Variants in TMOD3 observed in about 807,000 individuals in gnomAD.
TMOD3 encodes the protein tropomodulin 3, also known as tropomodulin-3.
TMOD3 carries 20 observed loss-of-function variants against 39.2 expected under a neutral mutation model. The observed-to-expected ratio is 0.51, with a 90% CI of 0.36 to 0.74. TMOD3 has a LOEUF of 0.74. Ranked by LOEUF, TMOD3 falls within the 30% of genes least tolerant of loss-of-function variation. TMOD3 has a pLI of 0.00. For missense variants in TMOD3, 381 were observed against 412.8 expected (o/e 0.92, Z 0.67); for synonymous variants, 143 against 145.8 (o/e 0.98, Z 0.14).
At chr15:51,885,498 G>A (rs1217132380) in intron 3 of TMOD3, among the ~76,000 whole-genome samples, 2 of 152,060 alleles carry the variant, frequency 1.3e-5, no homozygotes, top group Admixed American at 6.5e-5. Context: ...GACTCTCAAC[G>A]AGCATGCTGC....
chr15:51,867,720 G>C (rs950187675), intron 2 of TMOD3, among the ~76,000 whole-genome samples: 7 of 152,176 alleles, frequency 4.6e-5, no homozygotes, highest in African/African-American at 1.7e-4. Context: ...GCCCTTTTGT[G>C]TGATTTCTCT....
intron 1 of TMOD3, among the ~76,000 whole-genome samples, chr15:51,840,915 T>C (rs1035386171): frequency 2.6e-5 from 4 of 152,244 alleles, no homozygotes; most frequent in Admixed American, 1.3e-4. Context: ...CTTAATTTAC[T>C]TCTGTTAATG....
chr15:51,901,887 TC>T lies in TMOD3; in HGVS notation c.880-3del, dbSNP rs775310826. 6.2e-7 allele frequency: 1 copy of T among 1,612,638 alleles called. No homozygotes were observed. The highest frequency in any genetic ancestry group is 1.7e-5 in the Admixed American group (1 of 59,400). On this transcript the variant is annotated splice_region_variant and splice_polypyrimidine_tract_variant and intron_variant, in intron 8 of 9. Transcript: ENST00000308580. ...AATATTGTTCTTTTTTTCTAATTACTCCAGAGGCAGCAGTTGGGGACAGCTG... is the reference window on the plus strand; with the variant it reads ...AATATTGTTCTTTTTTTCTAATTACTCAGAGGCAGCAGTTGGGGACAGCTG...
intron 1 of TMOD3, among the ~76,000 whole-genome samples, chr15:51,850,637 T>C (rs2056356781): frequency 6.6e-6 from 1 of 152,214 alleles, no homozygotes; most frequent in Non-Finnish European, 1.5e-5. Context: ...ACATTAGTGG[T>C]GATACATTTT....
chr15:51,831,602 T>C (rs2056255206), intron 1 of TMOD3, among the ~76,000 whole-genome samples: 1 of 151,974 alleles, frequency 6.6e-6, no homozygotes, highest in Middle Eastern at 3.2e-3. Context: ...TAACTGATAT[T>C]AGATACATAA....
At chr15:51,855,282 C>T (rs919577900) in intron 1 of TMOD3, among the ~76,000 whole-genome samples, 1 of 152,236 alleles carries the variant, frequency 6.6e-6, no homozygotes, top group Non-Finnish European at 1.5e-5. Context: ...CACCACCTGG[C>T]AGCTTATTAG....
intron 3 of TMOD3, among the ~76,000 whole-genome samples, chr15:51,886,343 C>T (rs550865214): frequency 3.9e-5 from 6 of 152,286 alleles, no homozygotes; most frequent in Admixed American, 1.3e-4. Context: ...TGTAGCGAGC[C>T]GAGATCACGC....
At chr15:51,840,183 T>A (rs937312556) in intron 1 of TMOD3, among the ~76,000 whole-genome samples, 2 of 152,192 alleles carry the variant, frequency 1.3e-5, no homozygotes, top group Non-Finnish European at 2.9e-5. Flanking sequence ...GTGGGCAAAG[T>A]GGTGGGCTAG....
intron 3 of TMOD3, among the ~76,000 whole-genome samples, chr15:51,878,148 A>C (rs2056514330): frequency 1.3e-5 from 2 of 152,234 alleles, no homozygotes; most frequent in South Asian, 4.1e-4. Flanking sequence ...TTCTCCAGAC[A>C]ATAAGCTAGG....
intron 5 of TMOD3, chr15:51,892,514 G>C (rs1358696916): frequency 6.6e-6 from 1 of 152,104 alleles, no homozygotes; most frequent in Non-Finnish European, 1.5e-5. Context: ...GTGAGGGAGG[G>C]CAGTAAATTT....
intron 3 of TMOD3, among the ~76,000 whole-genome samples, chr15:51,886,631 G>A (rs149789035): frequency 5.9e-5 from 9 of 152,130 alleles, no homozygotes; most frequent in South Asian, 2.1e-4. Context: ...GTCCAGCCTC[G>A]GCTGGGCATC....
At chr15:51,858,961 C>T (rs2056402252) in intron 1 of TMOD3, among the ~76,000 whole-genome samples, 1 of 152,182 alleles carries the variant, frequency 6.6e-6, no homozygotes, top group African/African-American at 2.4e-5. Context: ...CACTTGAATC[C>T]AGGAGTTCAA....
At chr15:51,898,986 G>C (rs1264296848) in intron 7 of TMOD3, 1 of 152,188 alleles carries the variant, frequency 6.6e-6, no homozygotes, top group Non-Finnish European at 1.5e-5. Flanking sequence ...TATGAGAAAT[G>C]AAATAGAAGC....
At chr15:51,872,321 A>C (rs1310684393) in intron 3 of TMOD3, among the ~76,000 whole-genome samples, 2 of 151,938 alleles carry the variant, frequency 1.3e-5, no homozygotes, top group African/African-American at 4.8e-5. Flanking sequence ...TGAACTCAGG[A>C]GGCGGAGATT....
At chr15:51,864,875 C>T (rs747669513) in intron 2 of TMOD3, among the ~76,000 whole-genome samples, 10 of 151,934 alleles carry the variant, frequency 6.6e-5, no homozygotes, top group Non-Finnish European at 1.0e-4. Context: ...AGGTGTGCTC[C>T]GGGGGAGGTT....
chr15:51,887,963 C>T (rs554576174), intron 4 of TMOD3, among the ~76,000 whole-genome samples: 1 of 152,160 alleles, frequency 6.6e-6, no homozygotes, highest in South Asian at 2.1e-4. Context: ...CCCATGTTGT[C>T]ATATTTGAAA....
chr15:51,840,195 A>G (rs2056306374), intron 1 of TMOD3, among the ~76,000 whole-genome samples: 1 of 151,730 alleles, frequency 6.6e-6, no homozygotes, highest in Admixed American at 6.6e-5. Flanking sequence ...GTGGGCTAGC[A>G]CCTCTCTTCT....
intron 1 of TMOD3, among the ~76,000 whole-genome samples, chr15:51,836,299 C>T (rs563521238): frequency 2.6e-5 from 4 of 152,112 alleles, no homozygotes; most frequent in African/African-American, 9.7e-5. Flanking sequence ...CTAATTCCTC[C>T]CAATTCCCCC....
chr15:51,907,211 G>A (rs2056686361), intron 9 of TMOD3: 1 of 151,746 alleles, frequency 6.6e-6, no homozygotes, highest in Non-Finnish European at 1.5e-5. Flanking sequence ...TGCTTGCTTT[G>A]ACAGCACATA....
Sources: gnomAD v4.1 joint callset for allele counts (sites outside exome capture counted in the v4.1 genomes callset) on GRCh38, gnomAD v4.1.1 for gene constraint, MANE v1.5 for transcripts, NCBI Gene and HGNC (gene_info 2026-07-23, HGNC 2026-07-21) for gene names.